Variants in CALB1 observed in about 807,000 individuals in gnomAD.
CALB1 encodes the protein calbindin.
CALB1 carries 16 observed loss-of-function variants against 46.7 expected under a neutral mutation model. The ratio of observed to expected loss-of-function variants is 0.34; its 90% CI spans 0.23 to 0.52. The LOEUF (loss-of-function observed/expected upper bound fraction) is 0.52, where lower values mean the gene tolerates loss of function less well. Among genes scored for constraint, CALB1 ranks in the 20% least tolerant of loss-of-function variants. The probability of loss-of-function intolerance (pLI) is 0.95; values close to 1 mark genes in which losing one functional copy is unlikely to be tolerated. For missense variants in CALB1, 224 were observed against 300.3 expected (o/e 0.75, Z 1.88); for synonymous variants, 90 against 112.8 (o/e 0.80, Z 1.28).
chr8:90,078,289 C>T (rs1196589296), intron 3 of CALB1, 84 bp downstream of exon 3: 1 of 796,050 alleles, frequency 1.3e-6, no homozygotes, highest in South Asian at 1.5e-5. Flanking sequence ...ATGGGTCTTG[C>T]TATATCTTAC....
chr8:90,066,367 T>C (rs1814397040), intron 5 of CALB1, among the ~76,000 whole-genome samples: 1 of 152,046 alleles, frequency 6.6e-6, no homozygotes, highest in African/African-American at 2.4e-5. Flanking sequence ...AGGGCCTTTA[T>C]ACCTTTGGAA....
rs78054626 is a variant in CALB1, at chr8:90,078,325, G to C, written c.231+48C>G. ...TTGACTTGAAGACAACTTCAAAATT[G>C]AAACTCATTTATTAAAATTAAATCA... is the stretch of plus-strand genomic sequence containing the variant. On this transcript the variant is annotated intron_variant, in intron 3 of 10. Transcript: ENST00000265431. 0.017 allele frequency: 20,652 copies of C among 1,192,426 alleles called. 1,640 individuals carry two copies. In the African/African-American group the frequency reaches 0.22, roughly 12 times the overall value. The allele number at this position is 1,192,426 out of a possible 1,614,324, so 73.9% of individuals were successfully genotyped here. A position where few individuals can be genotyped will look rare whatever the true frequency, so the allele number is the denominator to read the frequency against.
In CALB1 at chr8:90,059,564, C is replaced by G. The variant is rs1814257410; in HGVS notation, c.*609G>C. 6.6e-6 allele frequency: 1 copy of G among 152,162 alleles called. No homozygotes were observed. Among genetic ancestry groups the G allele is most frequent in the Non-Finnish European group, 1.5e-5 (1 of 68,034 alleles). The allele number at this position is 152,162 out of a possible 1,614,324, so 9.4% of individuals were successfully genotyped here. Reference sequence around the variant, plus strand: ...TATGTGTCATCTGGTGCTCCCTTCCCTTGTCACATCAACTTGAACCGATAG... The same window carrying G: ...TATGTGTCATCTGGTGCTCCCTTCCGTTGTCACATCAACTTGAACCGATAG... On this transcript the variant is annotated 3_prime_UTR_variant, in exon 11 of 11. Transcript: ENST00000265431.
intron 10 of CALB1, 106 bp downstream of exon 10, chr8:90,060,523 T>C: frequency 1.1e-6 from 1 of 890,144 alleles, no homozygotes; most frequent in Non-Finnish European, 1.8e-6. Context: ...CTATTTCTGC[T>C]CCTCTATAAA....
intron 1 of CALB1, 118 bp downstream of exon 1, chr8:90,082,501 G>A (rs929917033): frequency 2.4e-6 from 2 of 829,712 alleles, no homozygotes; most frequent in South Asian, 2.9e-5. Flanking sequence ...AGGCAGAAGG[G>A]GGAAGAAGTA....
At chr8:90,062,784 A>G in intron 9 of CALB1, 1 of 202,478 alleles carries the variant, frequency 4.9e-6, no homozygotes, top group Non-Finnish European at 9.9e-6. Context: ...CAAAAAATTA[A>G]AAATAGAACT....
intron 3 of CALB1, among the ~76,000 whole-genome samples, chr8:90,075,707 C>T (rs1178290800): frequency 6.6e-6 from 1 of 152,028 alleles, no homozygotes; most frequent in Non-Finnish European, 1.5e-5. Context: ...ATTTCTATTT[C>T]CCAATTATTT....
At chr8:90,066,339 T>C (rs1002860554) in intron 5 of CALB1, among the ~76,000 whole-genome samples, 9 of 152,046 alleles carry the variant, frequency 5.9e-5, no homozygotes, top group African/African-American at 1.9e-4. Flanking sequence ...CTCATTGGAT[T>C]GTTCTGCAAG....
chr8:90,081,892 C>A, intron 2 of CALB1, 134 bp downstream of exon 2: 1 of 508,762 alleles, frequency 2.0e-6, no homozygotes. Context: ...AGTGTTTTTT[C>A]TTGCCTTTCG....
chr8:90,073,025 T>A (rs770271534), intron 3 of CALB1, among the ~76,000 whole-genome samples: 6 of 152,130 alleles, frequency 3.9e-5, no homozygotes, highest in Non-Finnish European at 5.9e-5. Context: ...TACTTGCTTG[T>A]CTCCCCTACT....
At position 90,059,106 on chromosome 8, in the gene CALB1, T is replaced by C. The variant is rs1220099009; in HGVS notation, c.*1067A>G. 1 of 152,380 alleles carries C rather than the reference T, an allele frequency of 6.6e-6. No individual in the cohort carries two copies. Among genetic ancestry groups the C allele is most frequent in the African/African-American group, 2.4e-5 (1 of 41,458 alleles). The allele number at this position is 152,380 out of a possible 1,614,324, so 9.4% of individuals were successfully genotyped here. A position where few individuals can be genotyped will look rare whatever the true frequency, so the allele number is the denominator to read the frequency against. The stretch of plus-strand genomic sequence containing the variant: ...TTCAGATGTTATTTTTTTAAACTCA[T>C]TTGAAACTATTTGCAGATAGAAATA... On this transcript the variant is annotated 3_prime_UTR_variant, in exon 11 of 11. Coordinates refer to ENST00000265431, the MANE Select transcript of CALB1 (RefSeq NM_004929.4).
At chr8:90,066,502 C>A (rs1586179260) in intron 5 of CALB1, among the ~76,000 whole-genome samples, 1 of 151,958 alleles carries the variant, frequency 6.6e-6, no homozygotes, top group Non-Finnish European at 1.5e-5. Context: ...CTCCAGAGGG[C>A]CAGTTGGGTA....
rs115705834 is a variant in CALB1 at position 90,081,314 on chromosome 8, T to A, written c.156+712A>T. On this transcript the variant is annotated intron_variant, in intron 2 of 10. Coordinates refer to ENST00000265431, the MANE Select transcript of CALB1 (RefSeq NM_004929.4). The stretch of plus-strand genomic sequence containing the variant: ...CATGAAATTCTTAAAATTGTTTTAC[T>A]TTTTACTTCTCTACCTTTTGGGTTT... 706 of 181,796 alleles carry A rather than the reference T, an allele frequency of 3.9e-3. 7 individuals are homozygous for A. The highest frequency in any genetic ancestry group is 0.016 in the African/African-American group (674 of 42,076). 11.3% of individuals were successfully genotyped at this position (181,796 alleles called of 1,614,324 possible). A position where few individuals can be genotyped will look rare whatever the true frequency, so the allele number is the denominator to read the frequency against.
At chr8:90,063,343 T>G (rs781566338) in intron 7 of CALB1, 23 bp from the exon 8 acceptor site, 7 of 1,579,760 alleles carry the variant, frequency 4.4e-6, no homozygotes, top group Admixed American at 1.7e-5. Flanking sequence ...AAACATTATA[T>G]TAATATATTA....
chr8:90,075,214 G>A (rs1345596542), intron 3 of CALB1, among the ~76,000 whole-genome samples: 5 of 152,164 alleles, frequency 3.3e-5, no homozygotes, highest in South Asian at 4.1e-4. Flanking sequence ...ACTTTGTCAC[G>A]TTAGAACTTT....
In CALB1 at chr8:90,059,954, C is replaced by G. The variant is rs1051034643; in HGVS notation, c.*219G>C. On this transcript the variant is annotated 3_prime_UTR_variant, in exon 11 of 11. Coordinates refer to ENST00000265431, the MANE Select transcript of CALB1 (RefSeq NM_004929.4). Reference sequence around the variant, plus strand: ...TTTAAAATTGGGTGTACTGACTGGCCTAAGCATAGACTTTCTTCTTTTCAA... The same window carrying G: ...TTTAAAATTGGGTGTACTGACTGGCGTAAGCATAGACTTTCTTCTTTTCAA... 1 of 441,096 alleles carries G rather than the reference C, an allele frequency of 2.3e-6. No homozygotes were observed. The highest frequency in any genetic ancestry group is 2.0e-5 in the African/African-American group (1 of 49,962). 27.3% of individuals were successfully genotyped at this position (441,096 alleles called of 1,614,324 possible). A position where few individuals can be genotyped will look rare whatever the true frequency, so the allele number is the denominator to read the frequency against.
rs1217476016 is a variant in CALB1, at chr8:90,058,930, A to T, written c.*1243T>A. 6.6e-6 allele frequency: 1 copy of T among 152,204 alleles called. No individual in the cohort carries two copies. Among genetic ancestry groups the T allele is most frequent in the East Asian group, 1.9e-4 (1 of 5,202 alleles). 9.4% of individuals were successfully genotyped at this position (152,204 alleles called of 1,614,324 possible). On this transcript the variant is annotated 3_prime_UTR_variant, in exon 11 of 11. Transcript: ENST00000265431. ...CTCATAGCTCCCTGTTTCACAATCA[A>T]AGAAATCTAAAATCACCAACTGTTA...
chr8:90,063,699 G>T, intron 6 of CALB1: 1 of 455,300 alleles, frequency 2.2e-6, no homozygotes, highest in Non-Finnish European at 3.9e-6. Context: ...TTTTAGCTAT[G>T]TTTCTAGAAT....
chr8:90,079,378 A>T (rs1814683394), intron 2 of CALB1, among the ~76,000 whole-genome samples: 1 of 152,046 alleles, frequency 6.6e-6, no homozygotes, highest in South Asian at 2.1e-4. Flanking sequence ...ATAATAAATA[A>T]TAACAAAGCA....
Sources: gnomAD v4.1 joint callset for allele counts (sites outside exome capture counted in the v4.1 genomes callset) on GRCh38, gnomAD v4.1.1 for gene constraint, MANE v1.5 for transcripts, NCBI Gene and HGNC (gene_info 2026-07-23, HGNC 2026-07-21) for gene names.